Variants in SLC5A10 observed in about 807,000 individuals in gnomAD.
The protein encoded by SLC5A10 is solute carrier family 5 member 10, also known as sodium/mannose cotransporter SLC5A10.
Under a neutral mutation model 68.9 loss-of-function variants are expected in SLC5A10, and 55 were observed. That is an observed-to-expected ratio of 0.80 (90% confidence interval 0.64 to 1.00). The LOEUF is 1.00. Among genes scored for constraint, SLC5A10 ranks in the 50% least tolerant of loss-of-function variants. The pLI is 0.00. For synonymous variants in SLC5A10, 344 were observed against 344.8 expected (o/e 1.00, Z 0.02); for missense variants, 732 against 819.3 (o/e 0.89, Z 1.30).
Position 19,003,912 on chromosome 17 carries a change from C to T in SLC5A10, c.983-9498C>T, listed in dbSNP as rs1309867636. The T allele has an allele frequency of 1.9e-6, 3 of 1,612,872 alleles. No individual in the cohort carries two copies. The highest frequency in any genetic ancestry group is 1.1e-5 in the South Asian group (1 of 91,090). ...CGCTTGAGCACCTCGTAGAAGGCGT[C>T]CCGGCCGCGGGCCACCAGGGCCTCC... On this transcript the variant is annotated intron_variant, in intron 9 of 14. Transcript: ENST00000395645. The surrounding 1 kb of genome is among the most constrained non-coding windows in gnomAD (Gnocchi z 4.5).
chr17:18,959,152 C>G lies in SLC5A10; in HGVS notation c.201C>G (p.Phe67Leu). 6.2e-7 allele frequency: 1 copy of G among 1,611,756 alleles called. No individual in the cohort carries two copies. Reference protein sequence around the residue: ...MTWWPIGASLFASSEGSGLFI... With the variant: ...MTWWPIGASLLASSEGSGLFI... ...TCCTCCAGATTGGAGCCTCCCTCTT[C>G]GCCAGCAGCGAGGGCTCTGGCCTCT... The change falls in exon 3 of 15, where the codon TTC becomes TTG. Residue 67 changes from phenylalanine to leucine, a missense_variant. Physicochemically the swap from Phe to Leu is conservative, Grantham distance 22. Transcript: ENST00000395645.
At chr17:19,013,645 G>C in intron 10 of SLC5A10, 128 bp downstream of exon 10, 2 of 147,530 alleles carry the variant, frequency 1.4e-5, no homozygotes, top group East Asian at 9.9e-5. Context: ...TCCCTGCTTG[G>C]AGCCTGGGTG....
intron 5 of SLC5A10, among the ~76,000 whole-genome samples, chr17:18,966,254 A>G (rs951365868): frequency 3.3e-5 from 5 of 152,120 alleles, no homozygotes; most frequent in African/African-American, 1.2e-4. Flanking sequence ...AGCCTGGATC[A>G]GGCTGCTGAG....
At chr17:18,997,563 G>A (rs1355412904) in intron 9 of SLC5A10, among the ~76,000 whole-genome samples, 1 of 152,254 alleles carries the variant, frequency 6.6e-6, no homozygotes, top group Non-Finnish European at 1.5e-5. Flanking sequence ...GGGTCCAAGA[G>A]CGACAGACAT....
In SLC5A10 at chr17:18,968,969, G is replaced by C. The variant is rs1251345921; in HGVS notation, c.454-83G>C. 4.3e-6 allele frequency: 6 copies of C among 1,381,624 alleles called. No individual in the cohort carries two copies. In the East Asian group the frequency reaches 1.4e-4, roughly 33 times the overall value. The allele number at this position is 1,381,624 out of a possible 1,614,324, so 85.6% of individuals were successfully genotyped here. ...TCCACAGGCCACCGAGGCCCAGAGAGGGCCTTGCCCGAGGTCACCCAGGGA... is the reference window on the plus strand; with the variant it reads ...TCCACAGGCCACCGAGGCCCAGAGACGGCCTTGCCCGAGGTCACCCAGGGA... On this transcript the variant is annotated intron_variant, in intron 5 of 14. Transcript: ENST00000395645. This position sits in a 1 kb window ranked among gnomAD's most constrained non-coding sequence, Gnocchi z 4.1.
At chr17:19,015,885 G>A (rs1221702728) in intron 11 of SLC5A10, among the ~76,000 whole-genome samples, 1 of 152,198 alleles carries the variant, frequency 6.6e-6, no homozygotes, top group East Asian at 1.9e-4. Flanking sequence ...GGCTGTGTCT[G>A]GAGAACAGGT....
At chr17:18,969,245 C>T (rs2042777948) in intron 6 of SLC5A10, 88 bp downstream of exon 6, 1 of 1,577,066 alleles carries the variant, frequency 6.3e-7, no homozygotes, top group East Asian at 2.2e-5. Flanking sequence ...AGGGAGCAGC[C>T]CAGGAAGTGG....
At chr17:18,987,397 T>G (rs79909463) in intron 9 of SLC5A10, among the ~76,000 whole-genome samples, 1 of 152,192 alleles carries the variant, frequency 6.6e-6, no homozygotes, top group Non-Finnish European at 1.5e-5. Flanking sequence ...GCACGGCCAA[T>G]GCAAGAGAAG....
intron 9 of SLC5A10, among the ~76,000 whole-genome samples, chr17:18,999,204 G>A (rs1018754358): frequency 6.6e-5 from 10 of 152,182 alleles, no homozygotes; most frequent in African/African-American, 2.2e-4. Context: ...CTTGAACCCT[G>A]GAGGCGGAGG....
At chr17:18,958,619 C>G in intron 1 of SLC5A10, 63 bp from the exon 2 acceptor site, 1 of 1,493,236 alleles carries the variant, frequency 6.7e-7, no homozygotes, top group Non-Finnish European at 9.3e-7. Flanking sequence ...AAGCCGTTTC[C>G]CATTCGACTT....
chr17:19,005,439 G>T (rs1311411578), intron 9 of SLC5A10, among the ~76,000 whole-genome samples: 2 of 152,138 alleles, frequency 1.3e-5, no homozygotes, highest in East Asian at 3.9e-4. Flanking sequence ...CTGAAGGCAG[G>T]CTTTGAGGGT....
chr17:18,989,941 G>C (rs1449991416), intron 9 of SLC5A10, among the ~76,000 whole-genome samples: 20 of 152,246 alleles, frequency 1.3e-4, no homozygotes, highest in Non-Finnish European at 5.9e-5. Flanking sequence ...GCCTGGGAGA[G>C]AGTGGTCCCC....
Position 19,017,684 on chromosome 17 carries a change from C to T in SLC5A10, c.1242-1739C>T, listed in dbSNP as rs574896976. On this transcript the variant is annotated intron_variant, in intron 11 of 14. Transcript: ENST00000395645. The surrounding 1 kb of genome is among the most constrained non-coding windows in gnomAD (Gnocchi z 5.6). The stretch of plus-strand genomic sequence containing the variant: ...CACTCTCCCCTGTCTGTGTTCCCGG[C>T]TGTTCAGTCCGTAAATGGGGCCCAC... The T allele has an allele frequency of 1.3e-5, 5 of 383,424 alleles. No homozygotes were observed. In the South Asian group the frequency reaches 1.5e-4, roughly 11 times the overall value. The allele number at this position is 383,424 out of a possible 1,614,324, so 23.8% of individuals were successfully genotyped here.
chr17:19,003,554 T>G lies in SLC5A10; in HGVS notation c.983-9856T>G, dbSNP rs2043788568. The G allele has an allele frequency of 6.4e-7, 1 of 1,560,290 alleles. No individual in the cohort carries two copies. The highest frequency in any genetic ancestry group is 8.7e-7 in the Non-Finnish European group (1 of 1,152,800). ...CTGGCTGATCATCTTCCGCACCACC[T>G]CTTTGATGTGGGCCTGCCCGTCTAT... On this transcript the variant is annotated intron_variant, in intron 9 of 14. Transcript: ENST00000395645. The surrounding 1 kb of genome is among the most constrained non-coding windows in gnomAD (Gnocchi z 4.5).
chr17:18,982,603 G>A (rs576468582), intron 9 of SLC5A10, among the ~76,000 whole-genome samples: 41 of 152,332 alleles, frequency 2.7e-4, no homozygotes, highest in African/African-American at 9.1e-4. Context: ...ACGGCCGGGT[G>A]GTGCTTCATC....
chr17:18,999,792 G>A (rs1278625376), intron 9 of SLC5A10, among the ~76,000 whole-genome samples: 1 of 152,218 alleles, frequency 6.6e-6, no homozygotes, highest in Non-Finnish European at 1.5e-5. Context: ...GGCCTGGCAT[G>A]CAGAGATCAG....
intron 1 of SLC5A10, chr17:18,953,888 T>C (rs1177390488): frequency 2.0e-5 from 3 of 152,380 alleles, no homozygotes; most frequent in Non-Finnish European, 4.4e-5. Context: ...TCCAAAACTT[T>C]TCTGGTTTCA....
At chr17:19,015,227 T>TGGGGGCCAGTCC in intron 11 of SLC5A10, 28 bp downstream of exon 11, 3 of 121,050 alleles carry the variant, frequency 2.5e-5, no homozygotes, top group Admixed American at 9.2e-5. Flanking sequence ...AGTACGGGGG[T>TGGGGGCCAGTCC]GGGGGAACAC....
Position 19,000,687 on chromosome 17 carries a change from G to A in SLC5A10, c.983-12723G>A, listed in dbSNP as rs956412978. On this transcript the variant is annotated intron_variant, in intron 9 of 14. Coordinates refer to ENST00000395645, the MANE Select transcript of SLC5A10 (RefSeq NM_001042450.4). The surrounding 1 kb of genome is among the most constrained non-coding windows in gnomAD (Gnocchi z 5.2). ...CCCCGGTGGGAAGGGGCCAGTGTGCGGCAAGGCGGCCCAGGCAGAGGGATC... is the reference window on the plus strand; with the variant it reads ...CCCCGGTGGGAAGGGGCCAGTGTGCAGCAAGGCGGCCCAGGCAGAGGGATC... Among the ~76,000 whole-genome samples, 3 of 152,188 alleles carry A rather than the reference G, an allele frequency of 2.0e-5. No homozygotes were observed. The highest frequency in any genetic ancestry group is 2.9e-5 in the Non-Finnish European group (2 of 68,014).
Sources: gnomAD v4.1 joint callset for allele counts (sites outside exome capture counted in the v4.1 genomes callset) on GRCh38, gnomAD v4.1.1 for gene constraint, Gnocchi (gnomAD v3.1) non-coding constraint, MANE v1.5 for transcripts, NCBI Gene and HGNC (gene_info 2026-07-23, HGNC 2026-07-21) for gene names.